The following LRRC1 variants were observed in gnomAD, a reference collection of about 807,000 sequenced individuals.
LRRC1 encodes leucine-rich repeat-containing protein 1.
Under a neutral mutation model 69.9 loss-of-function variants are expected in LRRC1, and 28 were observed. That is an observed-to-expected ratio of 0.40 (90% CI 0.30 to 0.55). The LOEUF is 0.55. LRRC1 is among the 20% of genes least tolerant of loss of function. LRRC1 has a pLI of 0.47. For missense variants in LRRC1, 498 were observed against 609.0 expected (o/e 0.82, Z 1.92); for synonymous variants, 236 against 240.2 (o/e 0.98, Z 0.16).
intron 1 of LRRC1, among the ~76,000 whole-genome samples, chr6:53,801,805 CATTT>C (rs1387075760): frequency 2.0e-5 from 3 of 152,096 alleles, no homozygotes; most frequent in Non-Finnish European, 2.9e-5. Context: ...TTCAATTAAA[CATTT>C]AGTGAGTTTC....
At chr6:53,901,762 A>G (rs1270667913) in intron 8 of LRRC1, among the ~76,000 whole-genome samples, 1 of 152,268 alleles carries the variant, frequency 6.6e-6, no homozygotes, top group East Asian at 1.9e-4. Context: ...GCAGGTGGAA[A>G]CCCTCCAGTG....
At position 53,833,396 on chromosome 6, in the gene LRRC1, T is replaced by C. The variant is rs181199834; in HGVS notation, c.160-8714T>C. ...CATTTATATCTTTGTTTAGGATCAT[T>C]AATGGTGACAGCTTAATAATGCATG... is the stretch of plus-strand genomic sequence containing the variant. On this transcript the variant is annotated intron_variant, in intron 1 of 13. Coordinates refer to ENST00000370888, the MANE Select transcript of LRRC1 (RefSeq NM_018214.5). Among the ~76,000 whole-genome samples the C allele has an allele frequency of 5.5e-3, 844 of 152,334 alleles. 1 individual carries two copies. The highest frequency in any genetic ancestry group is 0.024 in the Middle Eastern group (7 of 294).
chr6:53,896,102 T>C (rs776214081), intron 4 of LRRC1, among the ~76,000 whole-genome samples: 2 of 152,164 alleles, frequency 1.3e-5, no homozygotes, highest in Non-Finnish European at 2.9e-5. Context: ...AGACTAAAGG[T>C]GCTACTGTTT....
chr6:53,896,984 A>T lies in LRRC1; in HGVS notation c.567+92A>T. 3 of 819,800 alleles carry T rather than the reference A, an allele frequency of 3.7e-6. No individual in the cohort carries two copies. In the South Asian group the frequency reaches 4.8e-5, roughly 13 times the overall value. 50.8% of individuals were successfully genotyped at this position (819,800 alleles called of 1,614,324 possible). ...GTTCTATAGGGATCTTTATGAAGCC[A>T]GTATTTCCACAGATGTAACTTGGGG... On this transcript the variant is annotated intron_variant, in intron 6 of 13. Transcript: ENST00000370888.
intron 2 of LRRC1, among the ~76,000 whole-genome samples, chr6:53,858,994 T>C (rs1766407939): frequency 1.3e-5 from 2 of 152,354 alleles, no homozygotes; most frequent in South Asian, 4.1e-4. Flanking sequence ...ATATTACTTC[T>C]ATACAGTCTA....
intron 7 of LRRC1, among the ~76,000 whole-genome samples, chr6:53,898,460 G>A (rs1767942202): frequency 2.0e-5 from 3 of 152,304 alleles, no homozygotes; most frequent in Middle Eastern, 3.4e-3. Flanking sequence ...GGAAAGAGGT[G>A]TGTATGTTCA....
intron 3 of LRRC1, 144 bp downstream of exon 3, chr6:53,879,215 T>A (rs1376733246): frequency 9.8e-6 from 6 of 613,018 alleles, no homozygotes; most frequent in Admixed American, 8.4e-5. Flanking sequence ...TTCACAGATA[T>A]TTCTTTATAA....
intron 2 of LRRC1, among the ~76,000 whole-genome samples, chr6:53,860,915 G>C (rs926441544): frequency 1.3e-5 from 2 of 152,090 alleles, no homozygotes; most frequent in Non-Finnish European, 2.9e-5. Flanking sequence ...ACTATCCTAC[G>C]GGAATTAACG....
chr6:53,838,951 T>C (rs1433625846), intron 1 of LRRC1, among the ~76,000 whole-genome samples: 1 of 152,196 alleles, frequency 6.6e-6, no homozygotes, highest in Non-Finnish European at 1.5e-5. Flanking sequence ...TTCTTTGTTC[T>C]CTTCCTGTCA....
chr6:53,826,178 G>A lies in LRRC1; in HGVS notation c.160-15932G>A, dbSNP rs74743768. ...GGGCTTGCTGAGGCATGATCTTTATGTCTCCTCCACATATCTGCCTTTTTT... is the reference window on the plus strand; with the variant it reads ...GGGCTTGCTGAGGCATGATCTTTATATCTCCTCCACATATCTGCCTTTTTT... On this transcript the variant is annotated intron_variant, in intron 1 of 13. Coordinates refer to ENST00000370888, the MANE Select transcript of LRRC1 (RefSeq NM_018214.5). Among the ~76,000 whole-genome samples the A allele has an allele frequency of 9.7e-3, 1,326 of 136,924 alleles. 27 individuals are homozygous for A. The East Asian group carries it at 0.098, about 10-fold the overall frequency. 89.8% of individuals were successfully genotyped at this position (136,924 alleles called of 152,430 possible).
chr6:53,847,057 G>T (rs1437566103), intron 2 of LRRC1, among the ~76,000 whole-genome samples: 1 of 152,176 alleles, frequency 6.6e-6, no homozygotes, highest in Non-Finnish European at 1.5e-5. Context: ...TATACTACCA[G>T]CACTGCTAGA....
chr6:53,811,852 C>CGATT (rs2127405758), intron 1 of LRRC1, among the ~76,000 whole-genome samples: 1 of 152,334 alleles, frequency 6.6e-6, no homozygotes, highest in Admixed American at 6.5e-5. Flanking sequence ...CAGGCCCTGT[C>CGATT]GATTGGGTGG....
At chr6:53,845,129 G>A (rs1364960262) in intron 2 of LRRC1, among the ~76,000 whole-genome samples, 2 of 152,162 alleles carry the variant, frequency 1.3e-5, no homozygotes, top group East Asian at 1.9e-4. Context: ...GCTTGAACCC[G>A]GGAGGTGGAG....
chr6:53,900,033 T>TGG, intron 8 of LRRC1, 142 bp downstream of exon 8: 1 of 307,696 alleles, frequency 3.2e-6, no homozygotes. Context: ...TTTTTTTTTT[T>TGG]TTTTTTTTTT....
chr6:53,902,508 T>A (rs1581911807), intron 8 of LRRC1, 121 bp from the exon 9 acceptor site: 2 of 533,374 alleles, frequency 3.7e-6, no homozygotes, highest in South Asian at 7.7e-5. Context: ...AAAAGCTAGA[T>A]GAGGAAAAAA....
chr6:53,907,919 G>A (rs532717471), intron 10 of LRRC1, among the ~76,000 whole-genome samples: 12 of 152,072 alleles, frequency 7.9e-5, no homozygotes, highest in South Asian at 6.2e-4. Context: ...TAAGTTTGTC[G>A]GCACAAATCT....
At chr6:53,857,365 A>G (rs1279045871) in intron 2 of LRRC1, among the ~76,000 whole-genome samples, 1 of 152,204 alleles carries the variant, frequency 6.6e-6, no homozygotes. Flanking sequence ...AAGCAACAGA[A>G]CGACAGAGCA....
At chr6:53,860,426 T>C (rs527350106) in intron 2 of LRRC1, among the ~76,000 whole-genome samples, 1 of 152,238 alleles carries the variant, frequency 6.6e-6, no homozygotes. Context: ...AGTTGACAAC[T>C]TATAATTTTT....
intron 4 of LRRC1, chr6:53,883,850 T>C: frequency 1.4e-6 from 1 of 710,770 alleles, no homozygotes; most frequent in Non-Finnish European, 2.6e-6. Flanking sequence ...CAGTAAGCAG[T>C]TGAGCACAGT....
Sources: gnomAD v4.1 joint callset for allele counts (sites outside exome capture counted in the v4.1 genomes callset) on GRCh38, gnomAD v4.1.1 for gene constraint, MANE v1.5 for transcripts, NCBI Gene and HGNC (gene_info 2026-07-23, HGNC 2026-07-21) for gene names.